Variants in RFX3 observed in about 807,000 individuals in gnomAD.
RFX3 encodes transcription factor RFX3.
RFX3 carries 14 observed loss-of-function variants against 98.6 expected under a neutral mutation model. The observed-to-expected ratio is 0.14, with a 90% confidence interval of 0.09 to 0.22. The LOEUF is 0.22. Ranked by LOEUF, RFX3 falls within the 10% of genes least tolerant of loss-of-function variation. The probability of loss-of-function intolerance (pLI) is 1.00; values close to 1 mark genes in which losing one functional copy is unlikely to be tolerated. For synonymous variants in RFX3, 383 were observed against 328.4 expected (o/e 1.17, Z -1.80); for missense variants, 639 against 926.9 (o/e 0.69, Z 4.03).
At position 3,223,458 on chromosome 9, in the gene RFX3, TTTG is replaced by T. The variant is rs1817466733; in HGVS notation, c.*1581_*1583del. 1 of 152,234 alleles carries T rather than the reference TTTG, an allele frequency of 6.6e-6. No homozygotes were observed. Among genetic ancestry groups the T allele is most frequent in the Non-Finnish European group, 1.5e-5 (1 of 68,048 alleles). The allele number at this position is 152,234 out of a possible 1,614,324, so 9.4% of individuals were successfully genotyped here. ...TGCACTTCGATAAGTACCTGCTTACTTTGTTAACTTTCTAAAATTGTAACTAAA... is the reference window on the plus strand; with the variant it reads ...TGCACTTCGATAAGTACCTGCTTACTTTAACTTTCTAAAATTGTAACTAAA... On this transcript the variant is annotated 3_prime_UTR_variant, in exon 17 of 17. Coordinates refer to ENST00000617270, the MANE Select transcript of RFX3 (RefSeq NM_001282116.2).
chr9:3,310,427 T>G (rs542617983), intron 4 of RFX3, among the ~76,000 whole-genome samples: 1 of 152,332 alleles, frequency 6.6e-6, no homozygotes, highest in East Asian at 1.9e-4. Context: ...GCATGTTCTC[T>G]CGACTCTGAA....
chr9:3,300,164 A>T (rs1433132777), intron 5 of RFX3, among the ~76,000 whole-genome samples: 2 of 151,830 alleles, frequency 1.3e-5, no homozygotes, highest in Non-Finnish European at 2.9e-5. Flanking sequence ...TCACAGATAC[A>T]TGCCAACATA....
At position 3,279,314 on chromosome 9, in the gene RFX3, T is replaced by C. The variant is rs532764401; in HGVS notation, c.852-1853A>G. ...ATGGAATTGTGTCTCATTAATAAAA[T>C]AGCCTAAAATTGTTTAACCATGTTT... On this transcript the variant is annotated intron_variant, in intron 7 of 16. Transcript: ENST00000617270. Among the ~76,000 whole-genome samples, 7 of 151,932 alleles carry C rather than the reference T, an allele frequency of 4.6e-5. No individual in the cohort carries two copies. The South Asian group carries it at 6.2e-4, about 13-fold the overall frequency.
intron 3 of RFX3, among the ~76,000 whole-genome samples, chr9:3,341,800 T>A (rs1187891247): frequency 1.3e-5 from 2 of 152,190 alleles, no homozygotes; most frequent in African/African-American, 4.8e-5. Flanking sequence ...GGCAAGTGGA[T>A]TCACAAATCA....
At chr9:3,396,021 A>C (rs1840822737) in intron 1 of RFX3, among the ~76,000 whole-genome samples, 1 of 152,114 alleles carries the variant, frequency 6.6e-6, no homozygotes, top group Non-Finnish European at 1.5e-5. Context: ...TGTCACCAGA[A>C]TATAATTTAG....
chr9:3,462,840 T>C (rs888939767), intron 1 of RFX3, among the ~76,000 whole-genome samples: 2 of 151,960 alleles, frequency 1.3e-5, no homozygotes, highest in Admixed American at 6.6e-5. Flanking sequence ...AAATATATAA[T>C]GGGAATAAAG....
At chr9:3,505,754 C>A (rs1053251385) in intron 1 of RFX3, among the ~76,000 whole-genome samples, 2 of 149,770 alleles carry the variant, frequency 1.3e-5, no homozygotes, top group Non-Finnish European at 3.0e-5. Flanking sequence ...CTTCTCCACC[C>A]CCATCATTTA....
At chr9:3,302,077 T>G (rs1031094890) in intron 4 of RFX3, among the ~76,000 whole-genome samples, 2 of 151,882 alleles carry the variant, frequency 1.3e-5, no homozygotes, top group Non-Finnish European at 2.9e-5. Context: ...TTAATGCAAA[T>G]GAACAAAGAT....
At chr9:3,233,190 G>A (rs1446226386) in intron 15 of RFX3, among the ~76,000 whole-genome samples, 2 of 152,158 alleles carry the variant, frequency 1.3e-5, no homozygotes, top group Non-Finnish European at 1.5e-5. Context: ...ACAAATATTC[G>A]TGTAAGACTA....
At chr9:3,226,021 T>C (rs943784425) in intron 16 of RFX3, among the ~76,000 whole-genome samples, 1 of 152,168 alleles carries the variant, frequency 6.6e-6, no homozygotes, top group African/African-American at 2.4e-5. Flanking sequence ...TAAAGCATCA[T>C]TATAATAGAA....
chr9:3,268,171 C>T (rs1377862394), intron 11 of RFX3, among the ~76,000 whole-genome samples: 1 of 151,608 alleles, frequency 6.6e-6, no homozygotes, highest in African/African-American at 2.4e-5. Flanking sequence ...CAGATAACTG[C>T]ATTTTAGAAT....
chr9:3,373,427 C>CT (rs1444657683), intron 2 of RFX3, among the ~76,000 whole-genome samples: 1 of 152,120 alleles, frequency 6.6e-6, no homozygotes, highest in Non-Finnish European at 1.5e-5. Flanking sequence ...TATTAGAGAT[C>CT]TTTAAAGATT....
At chr9:3,239,777 C>G (rs1255201623) in intron 15 of RFX3, among the ~76,000 whole-genome samples, 1 of 152,226 alleles carries the variant, frequency 6.6e-6, no homozygotes, top group African/African-American at 2.4e-5. Context: ...AGTCCCTTTC[C>G]TACAGTGTAA....
Position 3,271,132 on chromosome 9 carries a change from TGG to T in RFX3, c.1087-16_1087-15del, listed in dbSNP as rs1243817436. The T allele has an allele frequency of 6.2e-7, 1 of 1,608,270 alleles. No homozygotes were observed. The highest frequency in any genetic ancestry group is 1.3e-5 in the African/African-American group (1 of 74,772). ...GTCCAATATTGCCTAAAAAACAAAATGGTACCAGTATTACCTTACAATATTAT... is the reference window on the plus strand; with the variant it reads ...GTCCAATATTGCCTAAAAAACAAAATTACCAGTATTACCTTACAATATTAT... On this transcript the variant is annotated splice_polypyrimidine_tract_variant and intron_variant, in intron 9 of 16. Transcript: ENST00000617270.
chr9:3,337,253 G>C (rs1362465500), intron 3 of RFX3, among the ~76,000 whole-genome samples: 1 of 152,172 alleles, frequency 6.6e-6, no homozygotes, highest in African/African-American at 2.4e-5. Context: ...AATAAGAGGT[G>C]ATCTTATTGG....
chr9:3,306,412 A>G (rs1452610047), intron 4 of RFX3, among the ~76,000 whole-genome samples: 1 of 152,066 alleles, frequency 6.6e-6, no homozygotes, highest in Non-Finnish European at 1.5e-5. Flanking sequence ...TCGTTAAACT[A>G]GCAGAGTTTC....
chr9:3,502,381 T>C (rs1160668363), intron 1 of RFX3, among the ~76,000 whole-genome samples: 3 of 152,130 alleles, frequency 2.0e-5, no homozygotes, highest in East Asian at 1.9e-4. Flanking sequence ...AATGAAAAGG[T>C]ACCTTGAAGT....
At chr9:3,300,581 G>C (rs558541925) in intron 5 of RFX3, among the ~76,000 whole-genome samples, 1 of 151,706 alleles carries the variant, frequency 6.6e-6, no homozygotes, top group East Asian at 1.9e-4. Flanking sequence ...ATCCAATATC[G>C]AGCTTTTCAG....
chr9:3,278,996 G>A (rs1029336925), intron 7 of RFX3, among the ~76,000 whole-genome samples: 3 of 151,790 alleles, frequency 2.0e-5, no homozygotes, highest in African/African-American at 7.2e-5. Flanking sequence ...CTTTTCAACT[G>A]GGGCCATATC....
Sources: allele counts gnomAD v4.1 joint callset (sites outside exome capture counted in the v4.1 genomes callset), GRCh38; gene constraint gnomAD v4.1.1; transcripts MANE v1.5; gene names NCBI Gene and HGNC (gene_info 2026-07-23, HGNC 2026-07-21).